Variants in RAMP1 observed in about 807,000 individuals in gnomAD.
RAMP1 encodes the protein receptor activity modifying protein 1, also known as receptor activity-modifying protein 1.
In RAMP1, 7 loss-of-function variants were observed where a neutral mutation model predicts 8.2. The ratio of observed to expected loss-of-function variants is 0.85; its 90% CI spans 0.49 to 1.60. The LOEUF is 1.60. RAMP1 is among the 40% of genes most tolerant of loss of function. The pLI is 0.00. For missense variants in RAMP1, 192 were observed against 202.4 expected (o/e 0.95, Z 0.31); for synonymous variants, 92 against 84.7 (o/e 1.09, Z -0.47).
intron 2 of RAMP1, among the ~76,000 whole-genome samples, chr2:237,904,060 G>A (rs1322324173): frequency 6.6e-6 from 1 of 152,224 alleles, no homozygotes; most frequent in African/African-American, 2.4e-5. Context: ...TTTTTAAGAG[G>A]AGTGCCATCT....
At chr2:237,884,466 C>T (rs1304206790) in intron 2 of RAMP1, among the ~76,000 whole-genome samples, 4 of 152,130 alleles carry the variant, frequency 2.6e-5, no homozygotes, top group African/African-American at 4.8e-5. Context: ...GAATCTGGAA[C>T]GTGCTGGACT....
upstream of RAMP1, chr2:237,859,551 C>T: frequency 1.8e-6 from 1 of 561,720 alleles, no homozygotes; most frequent in Non-Finnish European, 2.3e-6. Flanking sequence ...CGCGCGGCCG[C>T]CGCCTCCCAC....
rs1255361117 is a variant in RAMP1 at position 237,871,696 on chromosome 2, C to T, written c.53-5528C>T. On this transcript the variant is annotated intron_variant, in intron 1 of 2. Transcript: ENST00000254661. Reference sequence around the variant, plus strand: ...CCCCGCCAGTAAAATAATCTGGACACGCTCCTCCAGGATTTGCTTATAAAT... The same window carrying T: ...CCCCGCCAGTAAAATAATCTGGACATGCTCCTCCAGGATTTGCTTATAAAT... Among the ~76,000 whole-genome samples the T allele has an allele frequency of 7.2e-5, 11 of 152,196 alleles. 1 individual carries two copies. The South Asian group carries it at 8.3e-4, about 11-fold the overall frequency.
chr2:237,881,359 T>C (rs984972065), intron 2 of RAMP1, among the ~76,000 whole-genome samples: 3 of 152,208 alleles, frequency 2.0e-5, no homozygotes, highest in African/African-American at 4.8e-5. Context: ...TGGCCAGTAT[T>C]TTCCCATTTC....
At chr2:237,911,043 T>C (rs2062707290) in intron 2 of RAMP1, among the ~76,000 whole-genome samples, 1 of 149,988 alleles carries the variant, frequency 6.7e-6, no homozygotes, top group South Asian at 2.1e-4. Flanking sequence ...CTGTCACACA[T>C]TGAATAACAG....
intron 2 of RAMP1, among the ~76,000 whole-genome samples, chr2:237,882,109 T>C (rs779059858): frequency 1.5e-4 from 23 of 152,352 alleles, no homozygotes; most frequent in Non-Finnish European, 2.9e-4. Flanking sequence ...TTTTTCTGGA[T>C]GCGCTACCCA....
At chr2:237,864,981 A>G (rs2062172224) in intron 1 of RAMP1, among the ~76,000 whole-genome samples, 1 of 152,138 alleles carries the variant, frequency 6.6e-6, no homozygotes, top group African/African-American at 2.4e-5. Flanking sequence ...CCATTCTCTA[A>G]GCATTCAGAT....
At chr2:237,871,236 A>G (rs2062241551) in intron 1 of RAMP1, among the ~76,000 whole-genome samples, 1 of 152,232 alleles carries the variant, frequency 6.6e-6, no homozygotes. Flanking sequence ...TTGGGGCTTC[A>G]GCCAGCTGAC....
At chr2:237,884,829 ACCCTG>A (rs778149573) in intron 2 of RAMP1, among the ~76,000 whole-genome samples, 2 of 152,060 alleles carry the variant, frequency 1.3e-5, no homozygotes, top group African/African-American at 4.8e-5. Context: ...GTCACTGCGG[ACCCTG>A]CCCTGCCCTG....
chr2:237,898,633 A>C (rs1228593291), intron 2 of RAMP1, among the ~76,000 whole-genome samples: 1 of 152,204 alleles, frequency 6.6e-6, no homozygotes, highest in Non-Finnish European at 1.5e-5. Context: ...AGAAAAACAA[A>C]AGGTGCCCAG....
intron 1 of RAMP1, among the ~76,000 whole-genome samples, chr2:237,875,804 T>C (rs923405970): frequency 2.0e-5 from 3 of 152,220 alleles, no homozygotes; most frequent in African/African-American, 7.2e-5. Flanking sequence ...ACACCAGCCA[T>C]TGGGCCTGGA....
intron 2 of RAMP1, among the ~76,000 whole-genome samples, chr2:237,907,072 T>G (rs1400977964): frequency 6.6e-6 from 1 of 152,210 alleles, no homozygotes; most frequent in Non-Finnish European, 1.5e-5. Flanking sequence ...AATTCCAGGC[T>G]GACAAATGTG....
At chr2:237,910,797 TCACA>T (rs1370285813) in intron 2 of RAMP1, among the ~76,000 whole-genome samples, 1 of 145,238 alleles carries the variant, frequency 6.9e-6, no homozygotes, top group East Asian at 2.1e-4. Context: ...TCACACAATG[TCACA>T]CACAGTCACA....
intron 2 of RAMP1, among the ~76,000 whole-genome samples, chr2:237,906,321 G>A (rs2062650473): frequency 6.6e-6 from 1 of 152,108 alleles, no homozygotes; most frequent in Non-Finnish European, 1.5e-5. Context: ...AGGCCTCTTG[G>A]ATGGGCTAAG....
rs771669866 is a variant in RAMP1 at position 237,911,689 on chromosome 2, T to G, written c.353T>G (p.Ile118Ser). ...GCCGTGCGGGACCCGCCCGGCAGCA[T>G]CCTCTACCCCTTCATCGTGGTCCCC... is the stretch of plus-strand genomic sequence containing the variant. ...GRAVRDPPGS[I>S]LYPFIVVPIT... Residue 118 changes from isoleucine (I) to serine (S), a missense_variant, in exon 3 of 3, where the codon ATC becomes AGC. Physicochemically the swap from Ile to Ser is moderately radical, Grantham distance 142. Transcript: ENST00000254661. 2.5e-6 allele frequency: 4 copies of G among 1,613,906 alleles called. No homozygotes were observed. In the South Asian group the frequency reaches 4.4e-5, roughly 18 times the overall value.
chr2:237,905,292 C>T (rs925275544), intron 2 of RAMP1, among the ~76,000 whole-genome samples: 4 of 152,300 alleles, frequency 2.6e-5, no homozygotes, highest in South Asian at 4.1e-4. Flanking sequence ...TCCTCACTGA[C>T]GGAGCTCACA....
At chr2:237,903,562 A>G (rs979417994) in intron 2 of RAMP1, among the ~76,000 whole-genome samples, 4 of 152,072 alleles carry the variant, frequency 2.6e-5, no homozygotes, top group African/African-American at 7.2e-5. Context: ...TCTGTTGCCC[A>G]GGCTGGAGTG....
chr2:237,908,859 G>A (rs2062679533), intron 2 of RAMP1, among the ~76,000 whole-genome samples: 1 of 152,136 alleles, frequency 6.6e-6, no homozygotes, highest in Admixed American at 6.5e-5. Flanking sequence ...TGTGCCCTGG[G>A]GGTGACAGGC....
At position 237,911,826 on chromosome 2, in the gene RAMP1, G is replaced by C. The variant is rs764941351; in HGVS notation, c.*43G>C. ...CGCGGGTGCACCCAGGCTGCAGGGTGAGGCCAGGCAGGCCTGGGTAGGGGC... is the reference window on the plus strand; with the variant it reads ...CGCGGGTGCACCCAGGCTGCAGGGTCAGGCCAGGCAGGCCTGGGTAGGGGC... On this transcript the variant is annotated 3_prime_UTR_variant, in exon 3 of 3. Transcript: ENST00000254661. 4 of 1,550,602 alleles carry C rather than the reference G, an allele frequency of 2.6e-6. No homozygotes were observed. In the African/African-American group the frequency reaches 5.5e-5, roughly 21 times the overall value.
Sources: gnomAD v4.1 joint callset for allele counts (sites outside exome capture counted in the v4.1 genomes callset) on GRCh38, gnomAD v4.1.1 for gene constraint, MANE v1.5 for transcripts, NCBI Gene and HGNC (gene_info 2026-07-23, HGNC 2026-07-21) for gene names.